PRORP: variants seen among roughly 807,000 people sequenced by gnomAD.
PRORP encodes the protein mitochondrial ribonuclease P catalytic subunit.
In PRORP, 51 loss-of-function variants were observed where a neutral mutation model predicts 59.4. The observed-to-expected ratio is 0.86, with a 90% CI of 0.69 to 1.08. The LOEUF is 1.08. Ranked by LOEUF, PRORP falls within the 50% of genes least tolerant of loss-of-function variation. The probability of loss-of-function intolerance (pLI) is 0.00; values close to 1 mark genes in which losing one functional copy is unlikely to be tolerated. For synonymous variants in PRORP, 231 were observed against 245.6 expected (o/e 0.94, Z 0.55); for missense variants, 646 against 690.3 (o/e 0.94, Z 0.72).
At chr14:35,260,976 A>AC (rs1566534316) in intron 5 of PRORP, among the ~76,000 whole-genome samples, 1 of 152,204 alleles carries the variant, frequency 6.6e-6, no homozygotes, top group Non-Finnish European at 1.5e-5. Context: ...GAACTACCAC[A>AC]CCCAGCCAAC....
Position 35,221,460 on chromosome 14 carries a change from AT to A in PRORP, c.1275+40692del, listed in dbSNP as rs149244652. The stretch of plus-strand genomic sequence containing the variant: ...ATTTTTCTATTGTATTTCAACATGG[AT>A]TTTTTTTTGGCATTAGTTTTGATTT... On this transcript the variant is annotated intron_variant, in intron 5 of 7. Transcript: ENST00000534898. Among the ~76,000 whole-genome samples, 1,201 of 151,204 alleles carry A rather than the reference AT, an allele frequency of 7.9e-3. 23 individuals are homozygous for A. The highest frequency in any genetic ancestry group is 0.028 in the African/African-American group (1,142 of 41,208).
intron 5 of PRORP, among the ~76,000 whole-genome samples, chr14:35,231,066 G>A (rs1016600500): frequency 3.3e-5 from 5 of 152,092 alleles, no homozygotes; most frequent in African/African-American, 7.2e-5. Context: ...AGGTGGCTGG[G>A]GGATGGAGTG....
Position 35,273,506 on chromosome 14 carries a change from G to T in PRORP, c.1692G>T (p.Leu564Phe). 1 of 1,613,600 alleles carries T rather than the reference G, an allele frequency of 6.2e-7. No homozygotes were observed. Among genetic ancestry groups the T allele is most frequent in the Non-Finnish European group, 8.5e-7 (1 of 1,179,766 alleles). Reference protein sequence around the residue: ...DSWHIPYDEDLVERCSCEVPT... With the variant: ...DSWHIPYDEDFVERCSCEVPT... Reference sequence around the variant, plus strand: ...GGCACATACCATATGATGAAGACTTGGTAGAAAGATGTTCCTGTGAAGTAC... The same window carrying T: ...GGCACATACCATATGATGAAGACTTTGTAGAAAGATGTTCCTGTGAAGTAC... The change falls in exon 8 of 8, where the codon TTG (leucine) becomes TTT (phenylalanine). Residue 564 changes from leucine (L) to phenylalanine (F), a missense_variant. Transcript: ENST00000534898.
At chr14:35,181,542 T>TGG (rs1046052390) in intron 5 of PRORP, among the ~76,000 whole-genome samples, 2 of 152,162 alleles carry the variant, frequency 1.3e-5, no homozygotes, top group African/African-American at 4.8e-5. Context: ...CCCAGCACTT[T>TGG]GGGAGGCCAA....
chr14:35,127,440 A>G, intron 3 of PRORP, 39 bp from the exon 4 acceptor site: 1 of 1,423,696 alleles, frequency 7.0e-7, no homozygotes, highest in Admixed American at 3.0e-5. Context: ...ACATTATTCG[A>G]CATATTTAAA....
At chr14:35,173,731 T>C (rs2048375719) in intron 4 of PRORP, among the ~76,000 whole-genome samples, 1 of 152,076 alleles carries the variant, frequency 6.6e-6, no homozygotes, top group Non-Finnish European at 1.5e-5. Flanking sequence ...TCCTTTATTT[T>C]CCCAAATATA....
chr14:35,197,692 G>C (rs749775852), intron 5 of PRORP, among the ~76,000 whole-genome samples: 84 of 152,064 alleles, frequency 5.5e-4, no homozygotes, highest in African/African-American at 1.7e-3. Flanking sequence ...TATTCACTCT[G>C]CCAACTCAAG....
chr14:35,267,151 G>A (rs904785558), intron 6 of PRORP, among the ~76,000 whole-genome samples: 4 of 152,094 alleles, frequency 2.6e-5, no homozygotes, highest in South Asian at 4.1e-4. Flanking sequence ...TTAGTACACC[G>A]AATACATGCC....
At chr14:35,130,750 C>T (rs2047220079) in intron 4 of PRORP, among the ~76,000 whole-genome samples, 1 of 151,980 alleles carries the variant, frequency 6.6e-6, no homozygotes, top group Non-Finnish European at 1.5e-5. Context: ...TCCCAAAATG[C>T]TGGGATTACA....
In PRORP at chr14:35,138,822, C is replaced by T. The variant is rs933480657; in HGVS notation, c.1167+11211C>T. Among the ~76,000 whole-genome samples, 4 of 144,104 alleles carry T rather than the reference C, an allele frequency of 2.8e-5. 1 individual carries two copies. The Admixed American group carries it at 2.9e-4, about 10-fold the overall frequency. 94.5% of individuals were successfully genotyped at this position (144,104 alleles called of 152,430 possible). Reference sequence around the variant, plus strand: ...ATTTTTTTTTTTTAGACGGAGTCTCCCTCTGTCGCTCAGGCTGGAGTACAG... The same window carrying T: ...ATTTTTTTTTTTTAGACGGAGTCTCTCTCTGTCGCTCAGGCTGGAGTACAG... On this transcript the variant is annotated intron_variant, in intron 4 of 7. Coordinates refer to ENST00000534898, the MANE Select transcript of PRORP (RefSeq NM_014672.4).
intron 4 of PRORP, among the ~76,000 whole-genome samples, chr14:35,170,646 A>G (rs375275238): frequency 6.6e-6 from 1 of 152,188 alleles, no homozygotes; most frequent in Non-Finnish European, 1.5e-5. Flanking sequence ...ATATAGTGCT[A>G]TGATAATTTT....
intron 5 of PRORP, chr14:35,235,170 A>G (rs1024115232): frequency 3.1e-6 from 2 of 643,756 alleles, no homozygotes; most frequent in African/African-American, 1.8e-5. Context: ...TCAACAGTGT[A>G]CATTTAACTC....
intron 5 of PRORP, among the ~76,000 whole-genome samples, chr14:35,200,261 T>G (rs1323954303): frequency 1.3e-5 from 2 of 152,098 alleles, no homozygotes; most frequent in Admixed American, 1.3e-4. Context: ...GGCACGATCT[T>G]GGCTCACTGC....
chr14:35,151,370 A>G (rs1351318502), intron 4 of PRORP, among the ~76,000 whole-genome samples: 1 of 152,112 alleles, frequency 6.6e-6, no homozygotes, highest in Non-Finnish European at 1.5e-5. Context: ...AGAGAAAACT[A>G]CCAGTGTGAA....
chr14:35,188,857 T>C lies in PRORP; in HGVS notation c.1275+8080T>C, dbSNP rs2048809064. 2.0e-5 allele frequency among the ~76,000 whole-genome samples: 3 copies of C among 149,124 alleles called. No homozygotes were observed. In the South Asian group the frequency reaches 6.3e-4, roughly 31 times the overall value. On this transcript the variant is annotated intron_variant, in intron 5 of 7. Coordinates refer to ENST00000534898, the MANE Select transcript of PRORP (RefSeq NM_014672.4). ...TGGGTGTGGTGGTGGGTGCCTGTAG[T>C]ACCAGCTACTCGGGAGGCGGAGGTT...
At chr14:35,136,927 A>G (rs1181214332) in intron 4 of PRORP, among the ~76,000 whole-genome samples, 1 of 145,860 alleles carries the variant, frequency 6.9e-6, no homozygotes, top group Non-Finnish European at 1.5e-5. Context: ...AACAGTCAGA[A>G]CAAGGCAGAA....
chr14:35,163,932 G>T (rs962005696), intron 4 of PRORP, among the ~76,000 whole-genome samples: 5 of 152,144 alleles, frequency 3.3e-5, no homozygotes, highest in African/African-American at 4.8e-5. Context: ...AATCCATCTT[G>T]AGTTAATTTT....
intron 4 of PRORP, among the ~76,000 whole-genome samples, chr14:35,145,252 C>T (rs952974850): frequency 6.9e-6 from 1 of 144,732 alleles, no homozygotes; most frequent in African/African-American, 2.4e-5. Flanking sequence ...GGATTACAGG[C>T]GTGAGCTACT....
At chr14:35,271,059 C>G (rs879492167) in intron 7 of PRORP, among the ~76,000 whole-genome samples, 1 of 151,764 alleles carries the variant, frequency 6.6e-6, no homozygotes, top group Non-Finnish European at 1.5e-5. Flanking sequence ...TGCACTCCAG[C>G]CTGGGCGACA....
Sources: gnomAD v4.1 joint callset for allele counts (sites outside exome capture counted in the v4.1 genomes callset) on GRCh38, gnomAD v4.1.1 for gene constraint, MANE v1.5 for transcripts, NCBI Gene and HGNC (gene_info 2026-07-23, HGNC 2026-07-21) for gene names.